Variants in KCNQ5 observed in about 807,000 individuals in gnomAD.
KCNQ5 encodes the protein potassium voltage-gated channel subfamily KQT member 5.
In KCNQ5, 30 loss-of-function variants were observed where a neutral mutation model predicts 98.2. The ratio of observed to expected loss-of-function variants is 0.31; its 90% confidence interval spans 0.23 to 0.41. KCNQ5 has a LOEUF of 0.41. KCNQ5 is among the 10% of genes least tolerant of loss of function. The pLI, the probability that KCNQ5 is intolerant of heterozygous loss-of-function variation, is 1.00. For missense variants in KCNQ5, 835 were observed against 1,182.5 expected (o/e 0.71, Z 4.31); for synonymous variants, 458 against 449.4 (o/e 1.02, Z -0.24).
intron 1 of KCNQ5, among the ~76,000 whole-genome samples, chr6:72,880,061 A>T (rs1372407549): frequency 6.6e-6 from 1 of 152,120 alleles, no homozygotes; most frequent in Non-Finnish European, 1.5e-5. Context: ...TCCATATGAT[A>T]ATCAAATCAC....
chr6:72,736,415 TATG>T (rs998060420), intron 1 of KCNQ5, among the ~76,000 whole-genome samples: 24 of 151,496 alleles, frequency 1.6e-4, no homozygotes, highest in Non-Finnish European at 2.6e-4. Context: ...TAAGAAAAAA[TATG>T]ATAATCTGCT....
chr6:73,062,600 A>C (rs1211391463), intron 3 of KCNQ5, among the ~76,000 whole-genome samples: 4 of 152,218 alleles, frequency 2.6e-5, no homozygotes, highest in Non-Finnish European at 5.9e-5. Flanking sequence ...GCAATTATTC[A>C]AGCAATGCAA....
chr6:72,881,217 C>T (rs536649892), intron 1 of KCNQ5, among the ~76,000 whole-genome samples: 1 of 152,284 alleles, frequency 6.6e-6, no homozygotes, highest in East Asian at 1.9e-4. Context: ...GTGGCTTGCT[C>T]ATGGCCACAC....
intron 9 of KCNQ5, among the ~76,000 whole-genome samples, chr6:73,129,414 T>A (rs1582411018): frequency 6.6e-6 from 1 of 152,360 alleles, no homozygotes; most frequent in Non-Finnish European, 1.5e-5. Flanking sequence ...ACAATTAATG[T>A]CATGAATTTA....
At chr6:72,707,763 G>T (rs941624184) in intron 1 of KCNQ5, among the ~76,000 whole-genome samples, 1 of 152,182 alleles carries the variant, frequency 6.6e-6, no homozygotes, top group Admixed American at 6.5e-5. Context: ...ACCCAGGCTG[G>T]AGTGCAGTGG....
At chr6:73,188,686 T>C (rs1765472470) in intron 11 of KCNQ5, among the ~76,000 whole-genome samples, 1 of 152,132 alleles carries the variant, frequency 6.6e-6, no homozygotes, top group Non-Finnish European at 1.5e-5. Flanking sequence ...CACTGACTGT[T>C]GAACAAAAGA....
intron 1 of KCNQ5, among the ~76,000 whole-genome samples, chr6:72,713,591 T>C (rs1204754554): frequency 6.6e-6 from 1 of 152,196 alleles, no homozygotes; most frequent in Non-Finnish European, 1.5e-5. Context: ...ATATTCCATA[T>C]TGTCAGCCAA....
At chr6:73,115,770 A>G (rs1225685851) in intron 7 of KCNQ5, among the ~76,000 whole-genome samples, 1 of 152,220 alleles carries the variant, frequency 6.6e-6, no homozygotes, top group Non-Finnish European at 1.5e-5. Context: ...AACTTTGTAA[A>G]TAGAACTTCT....
chr6:73,094,303 T>A (rs2185773), intron 5 of KCNQ5, among the ~76,000 whole-genome samples: 2 of 152,028 alleles, frequency 1.3e-5, no homozygotes, highest in Admixed American at 1.3e-4. Flanking sequence ...ATGTGTTAGG[T>A]GAGTCTCTTG....
chr6:73,144,777 G>A (rs1776855656), intron 10 of KCNQ5, among the ~76,000 whole-genome samples: 1 of 152,200 alleles, frequency 6.6e-6, no homozygotes. Context: ...TAGAATTACT[G>A]CTCTTTGCTC....
intron 1 of KCNQ5, among the ~76,000 whole-genome samples, chr6:72,710,905 T>C (rs1460293637): frequency 6.6e-6 from 1 of 152,148 alleles, no homozygotes; most frequent in Admixed American, 6.5e-5. Flanking sequence ...TTCTGAAGTA[T>C]ACACAGAGCA....
intron 1 of KCNQ5, among the ~76,000 whole-genome samples, chr6:72,712,885 T>C (rs533347213): frequency 7.2e-5 from 11 of 152,342 alleles, no homozygotes; most frequent in South Asian, 2.1e-4. Context: ...CACCTGTATA[T>C]ACCTTCTAAA....
intron 1 of KCNQ5, among the ~76,000 whole-genome samples, chr6:72,909,915 T>C (rs1259812834): frequency 1.3e-5 from 2 of 152,218 alleles, no homozygotes; most frequent in African/African-American, 4.8e-5. Flanking sequence ...AACCCACTTT[T>C]ACTGGATAAA....
intron 1 of KCNQ5, among the ~76,000 whole-genome samples, chr6:72,830,755 AGCTTCT>A (rs1776223696): frequency 6.6e-6 from 1 of 152,226 alleles, no homozygotes; most frequent in Admixed American, 6.5e-5. Context: ...TAAACTAAAG[AGCTTCT>A]GCACAGCAAG....
chr6:73,158,269 T>G (rs9343013), intron 10 of KCNQ5: 40,974 of 167,554 alleles, frequency 0.24, 5,661 homozygotes, highest in East Asian at 0.43. Context: ...TTTTTTTTTT[T>G]TTTTTTTTTT....
chr6:73,027,261 A>T (rs1013322143), intron 2 of KCNQ5, among the ~76,000 whole-genome samples: 2 of 152,224 alleles, frequency 1.3e-5, no homozygotes, highest in Non-Finnish European at 2.9e-5. Context: ...AGCCCCTTGG[A>T]TCAGCAGTAG....
chr6:72,802,272 C>T (rs921866187), intron 1 of KCNQ5, among the ~76,000 whole-genome samples: 7 of 152,098 alleles, frequency 4.6e-5, no homozygotes, highest in Non-Finnish European at 8.8e-5. Context: ...ACCAATCAGA[C>T]GTAGATTTGG....
intron 1 of KCNQ5, among the ~76,000 whole-genome samples, chr6:72,862,110 C>T (rs1448382249): frequency 6.6e-6 from 1 of 152,180 alleles, no homozygotes; most frequent in Non-Finnish European, 1.5e-5. Flanking sequence ...TTAACTGACT[C>T]CTGTCCTTCT....
At chr6:72,825,398 T>C in intron 1 of KCNQ5, among the ~76,000 whole-genome samples, 1 of 152,140 alleles carries the variant, frequency 6.6e-6, no homozygotes. Flanking sequence ...AAAGTAAGTA[T>C]TTTTGTTTGT....
Sources: gnomAD v4.1 joint callset for allele counts (sites outside exome capture counted in the v4.1 genomes callset) on GRCh38, gnomAD v4.1.1 for gene constraint, MANE v1.5 for transcripts, NCBI Gene and HGNC (gene_info 2026-07-23, HGNC 2026-07-21) for gene names.